JAG2: variants seen among roughly 807,000 people sequenced by gnomAD.
JAG2 encodes jagged canonical Notch ligand 2, also known as protein jagged-2.
JAG2 carries 46 observed loss-of-function variants against 141.7 expected under a neutral mutation model. The ratio of observed to expected loss-of-function variants is 0.32; its 90% confidence interval spans 0.26 to 0.42. The LOEUF is 0.42. Among genes scored for constraint, JAG2 ranks in the 10% least tolerant of loss-of-function variants. The probability of loss-of-function intolerance (pLI) is 1.00; values close to 1 mark genes in which losing one functional copy is unlikely to be tolerated. For synonymous variants in JAG2, 862 were observed against 763.5 expected (o/e 1.13, Z -2.13); for missense variants, 1,500 against 1,817.5 (o/e 0.83, Z 3.18).
At position 105,150,626 on chromosome 14, in the gene JAG2, C is replaced by T. The variant is rs1888391183; in HGVS notation, c.1580G>A (p.Gly527Asp). ...CACCTCACAGAGAGGCCCGGAGAAGCCCTGGGGGCAGTGGCAGTGGAAGCC... is the reference window on the plus strand; with the variant it reads ...CACCTCACAGAGAGGCCCGGAGAAGTCCTGGGGGCAGTGGCAGTGGAAGCC... ...ADGFHCHCPQ[G>D]FSGPLCEVDV... Residue 527 changes from glycine (G) to aspartate (D), a missense_variant, in exon 12 of 26, where the codon GGC becomes GAC. By Grantham distance (94) the Gly-to-Asp change is moderately conservative. Around this residue, in one of 3 missense-constraint regions of JAG2, gnomAD observed 875 missense variants for 1,202.2 expected, o/e 0.73. Coordinates refer to ENST00000331782, the MANE Select transcript of JAG2 (RefSeq NM_002226.5). 6.5e-7 allele frequency: 1 copy of T among 1,549,254 alleles called. No homozygotes were observed.
At position 105,164,864 on chromosome 14, in the gene JAG2, G is replaced by A. The variant is rs146530072; in HGVS notation, c.417+2893C>T. 2.5e-3 allele frequency among the ~76,000 whole-genome samples: 387 copies of A among 152,242 alleles called. 3 individuals are homozygous for A. Among genetic ancestry groups the A allele is most frequent in the African/African-American group, 8.7e-3 (362 of 41,542 alleles). ...TGTGCCCCTTTCACAGGTGAGAAAA[G>A]CTCAGCCCTTCTGATGGCCCAGGAC... On this transcript the variant is annotated intron_variant, in intron 2 of 25. Coordinates refer to ENST00000331782, the MANE Select transcript of JAG2 (RefSeq NM_002226.5).
Position 105,150,770 on chromosome 14 carries a change from A to G in JAG2, c.1436T>C (p.Val479Ala). The change falls in exon 12 of 26, where the codon GTG (valine) becomes GCG (alanine). Residue 479 changes from valine to alanine, a missense_variant. Val to Ala is a moderately conservative substitution (Grantham distance 64). Around this residue, in one of 3 missense-constraint regions of JAG2, gnomAD observed 875 missense variants for 1,202.2 expected, o/e 0.73. Coordinates refer to ENST00000331782, the MANE Select transcript of JAG2 (RefSeq NM_002226.5). The stretch of plus-strand genomic sequence containing the variant: ...TGGGCACACACACTGGTACCCGTTC[A>G]CCAGGTCCTGGGCGGGCCAGCCAGG... ...CQHGGTCKDL[V>A]NGYQCVCPRG... is the part of the protein sequence containing the mutation. The G allele has an allele frequency of 6.3e-7, 1 of 1,587,358 alleles. No individual in the cohort carries two copies.
intron 2 of JAG2, among the ~76,000 whole-genome samples, chr14:105,158,673 G>A (rs2140987990): frequency 6.6e-6 from 1 of 152,080 alleles, no homozygotes; most frequent in South Asian, 2.1e-4. Context: ...CAGCCTCTCA[G>A]CCCTCACTGC....
At chr14:105,147,552 G>A (rs765852346) in intron 18 of JAG2, 25 bp from the exon 19 acceptor site, 2 of 1,609,020 alleles carry the variant, frequency 1.2e-6, no homozygotes, top group Non-Finnish European at 1.7e-6. Context: ...GAGAACGCAG[G>A]GGATCAGTAC....
intron 2 of JAG2, among the ~76,000 whole-genome samples, chr14:105,164,210 G>GA (rs1461616142): frequency 6.6e-6 from 1 of 152,104 alleles, no homozygotes; most frequent in Non-Finnish European, 1.5e-5. Context: ...CCTGGCCAAG[G>GA]GCAGTCCTCC....
rs1390699861 is a variant in JAG2 at position 105,168,520 on chromosome 14, CGCAGAGGCAGCGGCAGCG to C, written c.-118_-101del. 5.3e-6 allele frequency: 1 copy of C among 188,514 alleles called. No homozygotes were observed. Among genetic ancestry groups the C allele is most frequent in the Non-Finnish European group, 9.5e-6 (1 of 104,988 alleles). 11.7% of individuals were successfully genotyped at this position (188,514 alleles called of 1,614,324 possible). A position where few individuals can be genotyped will look rare whatever the true frequency, so the allele number is the denominator to read the frequency against. Reference sequence around the variant, plus strand: ...AGCGCCCGCCCGCCCTCCGAGCGCCCGCAGAGGCAGCGGCAGCGGCAGAGGCGGCGGCGGCGGCGGCGC... The same window carrying C: ...AGCGCCCGCCCGCCCTCCGAGCGCCCGCAGAGGCGGCGGCGGCGGCGGCGC... On this transcript the variant is annotated 5_prime_UTR_variant, in exon 1 of 26. Coordinates refer to ENST00000331782, the MANE Select transcript of JAG2 (RefSeq NM_002226.5).
Position 105,150,911 on chromosome 14 carries a change from T to C in JAG2, c.1382A>G (p.Asn461Ser). Residue 461 changes from asparagine to serine, a missense_variant and splice_region_variant, in exon 11 of 26, where the codon AAC becomes AGC. Transcript: ENST00000331782. The stretch of plus-strand genomic sequence containing the variant: ...ACACTGCCCGCGACAGTCGTTGACG[T>C]CTGGGGGCAGAGGAGCAGGGTCAGA... Reference protein sequence around the residue: ...PGWKGINCHINVNDCRGQCQH... With the variant: ...PGWKGINCHISVNDCRGQCQH... 1.3e-6 allele frequency: 2 copies of C among 1,594,306 alleles called. No homozygotes were observed. The highest frequency in any genetic ancestry group is 1.7e-6 in the Non-Finnish European group (2 of 1,170,970).
Position 105,142,728 on chromosome 14 carries a change from G to A in JAG2, c.3684C>T (p.Ser1228=). ...TGCCGGCGTAGCGGGCCTCATTGAT[G>A]CTCCTGACCGCGCGGTTGTCCACTT... is the stretch of plus-strand genomic sequence containing the variant. ...GPKVDNRAVR[S]INEARYAGKE Residue 1228 remains serine, a synonymous_variant, in exon 26 of 26, where the codon AGC becomes AGT. Coordinates refer to ENST00000331782, the MANE Select transcript of JAG2 (RefSeq NM_002226.5). 9 of 1,607,910 alleles carry A rather than the reference G, an allele frequency of 5.6e-6. No individual in the cohort carries two copies. Among genetic ancestry groups the A allele is most frequent in the Non-Finnish European group, 7.6e-6 (9 of 1,177,802 alleles).
At chr14:105,163,292 C>A (rs1440888309) in intron 2 of JAG2, among the ~76,000 whole-genome samples, 1 of 152,164 alleles carries the variant, frequency 6.6e-6, no homozygotes, top group Non-Finnish European at 1.5e-5. Flanking sequence ...GGGCTCTGGG[C>A]CCCAGGGCCG....
At chr14:105,144,679 C>T (rs117924568) in intron 24 of JAG2, among the ~76,000 whole-genome samples, 2 of 152,316 alleles carry the variant, frequency 1.3e-5, no homozygotes, top group East Asian at 1.9e-4. Flanking sequence ...AGCAGGGGAC[C>T]GGGCGAGGAT....
intron 23 of JAG2, among the ~76,000 whole-genome samples, chr14:105,145,459 G>A (rs985401429): frequency 2.6e-5 from 4 of 152,224 alleles, no homozygotes; most frequent in Non-Finnish European, 5.9e-5. Context: ...GCTGGGGCCA[G>A]GCAGCCATGG....
rs587677497 is a variant in JAG2, at chr14:105,160,626, G to A, written c.418-2863C>T. On this transcript the variant is annotated intron_variant, in intron 2 of 25. Transcript: ENST00000331782. ...GCCTGTAATCCCAACACTTTAAGAG[G>A]CTGAGGCAGGCAGATCACCTGAGGT... Among the ~76,000 whole-genome samples the A allele has an allele frequency of 7.2e-5, 11 of 152,168 alleles. No homozygotes were observed. In the South Asian group the frequency reaches 2.3e-3, roughly 32 times the overall value.
At position 105,143,906 on chromosome 14, in the gene JAG2, TG is replaced by T. The variant is rs1166377864; in HGVS notation, c.3085-269del. Among the ~76,000 whole-genome samples, 6 of 44,424 alleles carry T rather than the reference TG, an allele frequency of 1.4e-4. No homozygotes were observed. The East Asian group carries it at 4.3e-3, about 32-fold the overall frequency. 29.1% of individuals were successfully genotyped at this position (44,424 alleles called of 152,430 possible). On this transcript the variant is annotated intron_variant, in intron 24 of 25. Coordinates refer to ENST00000331782, the MANE Select transcript of JAG2 (RefSeq NM_002226.5). Reference sequence around the variant, plus strand: ...GACCTCACCACCAGGCAGCGAGCAGTGGGGGGAAGGGGAGGGGTGGAGGATG... The same window carrying T: ...GACCTCACCACCAGGCAGCGAGCAGTGGGGGAAGGGGAGGGGTGGAGGATG...
Position 105,142,617 on chromosome 14 carries a change from TG to T in JAG2, c.*77del. ...ACACAAAATAAAGAAACTATGCACA[TG>T]GCCTCGGCCTCCGGGTCCGGCAGAC... On this transcript the variant is annotated 3_prime_UTR_variant, in exon 26 of 26. Coordinates refer to ENST00000331782, the MANE Select transcript of JAG2 (RefSeq NM_002226.5). 1 of 1,050,316 alleles carries T rather than the reference TG, an allele frequency of 9.5e-7. No individual in the cohort carries two copies. The highest frequency in any genetic ancestry group is 1.4e-6 in the Non-Finnish European group (1 of 720,468). The allele number at this position is 1,050,316 out of a possible 1,614,324, so 65.1% of individuals were successfully genotyped here.
rs1001245197 is a variant in JAG2, at chr14:105,154,355, G to A, written c.788+1207C>T. 4.6e-5 allele frequency among the ~76,000 whole-genome samples: 7 copies of A among 152,054 alleles called. No homozygotes were observed. The highest frequency in any genetic ancestry group is 8.8e-5 in the Non-Finnish European group (6 of 68,004). On this transcript the variant is annotated intron_variant, in intron 5 of 25. Coordinates refer to ENST00000331782, the MANE Select transcript of JAG2 (RefSeq NM_002226.5). The surrounding 1 kb of genome is among the most constrained non-coding windows in gnomAD (Gnocchi z 4.4). ...CCACCTGCTGTCTCTCCACCCGCTC[G>A]CGCCCCTCTCTCGGGCTCCCCAGCT... is the stretch of plus-strand genomic sequence containing the variant.
Position 105,154,351 on chromosome 14 carries a change from G to A in JAG2, c.788+1211C>T, listed in dbSNP as rs4360859. On this transcript the variant is annotated intron_variant, in intron 5 of 25. Coordinates refer to ENST00000331782, the MANE Select transcript of JAG2 (RefSeq NM_002226.5). This position sits in a 1 kb window ranked among gnomAD's most constrained non-coding sequence, Gnocchi z 4.4. ...ACCTCCACCTGCTGTCTCTCCACCC[G>A]CTCGCGCCCCTCTCTCGGGCTCCCC... Among the ~76,000 whole-genome samples the A allele has an allele frequency of 0.16, 25,043 of 152,080 alleles. 2,507 individuals carry two copies. Among genetic ancestry groups the A allele is most frequent in the African/African-American group, 0.28 (11,510 of 41,468 alleles).
intron 15 of JAG2, 58 bp downstream of exon 15, chr14:105,148,687 A>T: frequency 7.1e-7 from 1 of 1,415,012 alleles, no homozygotes; most frequent in Non-Finnish European, 9.7e-7. Context: ...TCTCAGGGTG[A>T]TAAGGGGCCC....
intron 5 of JAG2, among the ~76,000 whole-genome samples, chr14:105,152,695 T>A (rs2140981733): frequency 6.6e-6 from 1 of 152,238 alleles, no homozygotes; most frequent in Non-Finnish European, 1.5e-5. Context: ...AGGGGAGCAC[T>A]CCTGGCTCTG....
chr14:105,149,418 C>G (rs1888342849), intron 12 of JAG2, 98 bp from the exon 13 acceptor site: 1 of 1,509,484 alleles, frequency 6.6e-7, no homozygotes, highest in African/African-American at 1.4e-5. Context: ...CCTGGGGACC[C>G]CCAGGCCCCT....
Sources: gnomAD v4.1 joint callset for allele counts (sites outside exome capture counted in the v4.1 genomes callset) on GRCh38, gnomAD v4.1.1 for gene constraint, gnomAD v4.1.1 regional missense constraint, Gnocchi (gnomAD v3.1) non-coding constraint, MANE v1.5 for transcripts, NCBI Gene and HGNC (gene_info 2026-07-23, HGNC 2026-07-21) for gene names.